Variants in PLA2G4B observed in about 807,000 individuals in gnomAD.
PLA2G4B encodes the protein cytosolic phospholipase A2 beta.
PLA2G4B carries 122 observed loss-of-function variants against 95.8 expected under a neutral mutation model. The ratio of observed to expected loss-of-function variants is 1.27; its 90% CI spans 1.10 to 1.48. The LOEUF is 1.48. PLA2G4B is among the 40% of genes most tolerant of loss of function. PLA2G4B has a pLI of 0.00. For synonymous variants in PLA2G4B, 518 were observed against 421.5 expected, an observed-to-expected ratio of 1.23 and a Z score of -2.80; for missense variants, 1,158 against 996.2, an observed-to-expected ratio of 1.16 and a Z score of -2.19.
chr15:41,845,942 G>T lies in PLA2G4B; in HGVS notation c.1496-1G>T, dbSNP rs185201577. On this transcript the variant is annotated splice_acceptor_variant, in intron 15 of 19. Coordinates refer to ENST00000458483, the MANE Select transcript of PLA2G4B (RefSeq NM_001114633.2). LOFTEE classifies it high-confidence loss of function. The stretch of plus-strand genomic sequence containing the variant: ...CTCTTCCCTCACGGCCGCTCTTTCA[G>T]GTATCTGGAGCAACCTGTATGCAGC... 7.3e-6 allele frequency: 11 copies of T among 1,514,798 alleles called. No homozygotes were observed. Among genetic ancestry groups the T allele is most frequent in the Middle Eastern group, 1.8e-4 (1 of 5,516 alleles). The allele number at this position is 1,514,798 out of a possible 1,614,324, so 93.8% of individuals were successfully genotyped here. A position where few individuals can be genotyped will look rare whatever the true frequency, so the allele number is the denominator to read the frequency against.
At chr15:41,840,278 GGGT>G (rs758741732) in intron 2 of PLA2G4B, 48 bp downstream of exon 2, 1 of 1,588,096 alleles carries the variant, frequency 6.3e-7, no homozygotes, top group South Asian at 1.1e-5. Flanking sequence ...GGGAGGAGGA[GGGT>G]GCTGAGGAGG....
rs1004595454 is a variant in PLA2G4B at position 41,847,375 on chromosome 15, G to T, written c.1986G>T (p.Gly662=). ...QLLGRFCQEQ[G]IPFPPISPSP... is the part of the protein sequence containing the mutation. ...TGGGCCGGTTCTGCCAGGAGCAGGGGATCCCGTTCCCACCCATCTCGCCCA... is the reference window on the plus strand; with the variant it reads ...TGGGCCGGTTCTGCCAGGAGCAGGGTATCCCGTTCCCACCCATCTCGCCCA... The change falls in exon 19 of 20, where the codon GGG becomes GGT. Residue 662 remains glycine, a synonymous_variant. Coordinates refer to ENST00000458483, the MANE Select transcript of PLA2G4B (RefSeq NM_001114633.2). 32 of 1,610,480 alleles carry T rather than the reference G, an allele frequency of 2.0e-5. No individual in the cohort carries two copies. The highest frequency in any genetic ancestry group is 2.6e-5 in the Non-Finnish European group (31 of 1,178,728).
At chr15:41,843,928 A>T (rs905455643) in intron 11 of PLA2G4B, 117 bp downstream of exon 11, 2 of 1,455,306 alleles carry the variant, frequency 1.4e-6, no homozygotes, top group Admixed American at 5.0e-5. Context: ...GCCTGTCCCC[A>T]CCCTGCTTCC....
intron 10 of PLA2G4B, chr15:41,843,356 A>C: frequency 4.2e-5 from 11 of 262,422 alleles, no homozygotes; most frequent in Non-Finnish European, 5.7e-5. Flanking sequence ...CTCCGTGGGT[A>C]AGGGACAGAA....
intron 6 of PLA2G4B, 49 bp downstream of exon 6, chr15:41,841,322 C>G (rs1304797874): frequency 6.2e-7 from 1 of 1,611,304 alleles, no homozygotes; most frequent in Non-Finnish European, 8.5e-7. Context: ...CCGGGACTCC[C>G]TCATGCCAGC....
intron 3 of PLA2G4B, 25 bp downstream of exon 3, chr15:41,840,685 C>T: frequency 6.2e-7 from 1 of 1,608,200 alleles, no homozygotes; most frequent in Non-Finnish European, 8.5e-7. Flanking sequence ...AGCGCTGACT[C>T]TACCCACATC....
Position 41,846,047 on chromosome 15 carries a change from G to GGTAA in PLA2G4B, c.1600+3_1600+6dup. 3 of 1,563,692 alleles carry GGTAA rather than the reference G, an allele frequency of 1.9e-6. No individual in the cohort carries two copies. The highest frequency in any genetic ancestry group is 1.9e-5 in the Admixed American group (1 of 52,690). On this transcript the variant is annotated frameshift_variant and splice_region_variant. Coordinates refer to ENST00000458483, the MANE Select transcript of PLA2G4B (RefSeq NM_001114633.2). LOFTEE classifies it high-confidence loss of function. ...CTGGGTCAGGAACCAGGCCAACCTG[G>GGTAA]GTAAGTGCTCCGGGCCCTTCATAAG... is the stretch of plus-strand genomic sequence containing the variant.
chr15:41,845,149 A>G (rs1380750661), intron 13 of PLA2G4B, 54 bp from the exon 14 acceptor site: 3 of 1,610,948 alleles, frequency 1.9e-6, no homozygotes, highest in African/African-American at 2.7e-5. Flanking sequence ...AGGGTGGGAA[A>G]GGCCCTGGGC....
intron 13 of PLA2G4B, 39 bp from the exon 14 acceptor site, chr15:41,845,164 A>G: frequency 1.2e-6 from 2 of 1,613,014 alleles, no homozygotes; most frequent in Non-Finnish European, 1.7e-6. Flanking sequence ...CTGGGCACCC[A>G]GGCCGCTGTG....
chr15:41,840,086 G>C, intron 1 of PLA2G4B, 72 bp from the exon 2 acceptor site: 1 of 1,558,878 alleles, frequency 6.4e-7, no homozygotes, highest in Non-Finnish European at 8.7e-7. Flanking sequence ...CACTGCTCCA[G>C]CCTCCTTTGT....
Position 41,845,880 on chromosome 15 carries a change from A to G in PLA2G4B, c.1496-63A>G, listed in dbSNP as rs556764244. On this transcript the variant is annotated intron_variant, in intron 15 of 19. Coordinates refer to ENST00000458483, the MANE Select transcript of PLA2G4B (RefSeq NM_001114633.2). ...AGAGTTTCCTGGGCCAGGACTGGCC[A>G]TGGGGAAGGGTAGGATTGGGACAAG... The G allele has an allele frequency of 6.8e-5, 103 of 1,518,298 alleles. 1 individual carries two copies. In the South Asian group the frequency reaches 1.2e-3, roughly 18 times the overall value. 94.1% of individuals were successfully genotyped at this position (1,518,298 alleles called of 1,614,324 possible).
intron 18 of PLA2G4B, 109 bp from the exon 19 acceptor site, chr15:41,847,228 G>C: frequency 6.8e-7 from 1 of 1,472,720 alleles, no homozygotes; most frequent in Non-Finnish European, 9.0e-7. Context: ...GGCCCCACTG[G>C]AGACCGTTTT....
intron 8 of PLA2G4B, 93 bp downstream of exon 8, chr15:41,842,042 AGT>A: frequency 5.1e-6 from 8 of 1,560,006 alleles, no homozygotes; most frequent in Non-Finnish European, 6.9e-6. Context: ...CACCTGGCAG[AGT>A]GGGCACCCTG....
intron 17 of PLA2G4B, 124 bp from the exon 18 acceptor site, chr15:41,846,545 C>T: frequency 6.6e-7 from 1 of 1,506,732 alleles, no homozygotes; most frequent in Non-Finnish European, 8.9e-7. Flanking sequence ...CAGGGCCCAC[C>T]TGCAGGGCTG....
chr15:41,846,292 C>G lies in PLA2G4B; in HGVS notation c.1690C>G (p.Arg564Gly), dbSNP rs371778341. ...GTTTTTCACCGATCTTCTGACGTGG[C>G]GTCCACTGGCCCAGGCCACACATAA... ...AEFFTDLLTW[R>G]PLAQATHNFL... The change falls in exon 17 of 20, where the codon CGT becomes GGT. Residue 564 changes from arginine (R) to glycine (G), a missense_variant. By Grantham distance (125) the Arg-to-Gly change is moderately radical (BLOSUM62 -2). Transcript: ENST00000458483. The G allele has an allele frequency of 1.9e-6, 3 of 1,614,060 alleles. No homozygotes were observed. Among genetic ancestry groups the G allele is most frequent in the Non-Finnish European group, 2.5e-6 (3 of 1,179,944 alleles).
At position 41,845,032 on chromosome 15, in the gene PLA2G4B, CT is replaced by C. The variant is rs2065510559; in HGVS notation, c.1202del (p.Leu401ArgfsTer26). Reference sequence around the variant, plus strand: ...GGGCTACCCAAGCTGCTTCACCAACCTGTGGGCCCTCATCAACGAGGCGCTG... The same window carrying C: ...GGGCTACCCAAGCTGCTTCACCAACCGTGGGCCCTCATCAACGAGGCGCTG... ...RLGYPSCFTN[L>X]WALINEALLH... On this transcript the variant is annotated frameshift_variant, in exon 13 of 20. Coordinates refer to ENST00000458483, the MANE Select transcript of PLA2G4B (RefSeq NM_001114633.2). LOFTEE classifies it high-confidence loss of function. The C allele has an allele frequency of 6.2e-7, 1 of 1,601,084 alleles. No individual in the cohort carries two copies. Among genetic ancestry groups the C allele is most frequent in the African/African-American group, 1.3e-5 (1 of 74,714 alleles).
chr15:41,839,962 A>G, intron 1 of PLA2G4B, 196 bp from the exon 2 acceptor site: 1 of 633,586 alleles, frequency 1.6e-6, no homozygotes, highest in Admixed American at 3.1e-5. Context: ...GCCGGCGCAG[A>G]GCATTGTGTA....
In PLA2G4B at chr15:41,843,701, G is replaced by C. The variant is rs564483703; in HGVS notation, c.769G>C (p.Gly257Arg). ...AGLRELAVRL[G>R]FGPCAEEQAF... Reference sequence around the variant, plus strand: ...ACTGAGGGAGCTGGCCGTGCGACTGGGCTTCGGGCCCTGTGCAGAGGAGCA... The same window carrying C: ...ACTGAGGGAGCTGGCCGTGCGACTGCGCTTCGGGCCCTGTGCAGAGGAGCA... Residue 257 changes from glycine (G) to arginine (R), a missense_variant, in exon 11 of 20, where the codon GGC (glycine) becomes CGC (arginine). Gly to Arg is a moderately radical substitution (Grantham distance 125, BLOSUM62 -2). Transcript: ENST00000458483. 1 of 1,613,752 alleles carries C rather than the reference G, an allele frequency of 6.2e-7. No homozygotes were observed. The highest frequency in any genetic ancestry group is 1.1e-5 in the South Asian group (1 of 91,052).
chr15:41,847,861 TGGCCG>T lies in PLA2G4B; in HGVS notation c.*4_*8del. 1 of 1,611,694 alleles carries T rather than the reference TGGCCG, an allele frequency of 6.2e-7. No individual in the cohort carries two copies. The highest frequency in any genetic ancestry group is 8.5e-7 in the Non-Finnish European group (1 of 1,179,488). ...GAGGCGGCAGCGCAGGCCCCACTGA[TGGCCG>T]GGGCCCCTGCCACCCCTAACTCTCA... is the stretch of plus-strand genomic sequence containing the variant. On this transcript the variant is annotated 3_prime_UTR_variant, in exon 20 of 20. Coordinates refer to ENST00000458483, the MANE Select transcript of PLA2G4B (RefSeq NM_001114633.2).
Sources: gnomAD v4.1 joint callset for allele counts on GRCh38, gnomAD v4.1.1 for gene constraint, MANE v1.5 for transcripts, NCBI Gene and HGNC (gene_info 2026-07-23, HGNC 2026-07-21) for gene names.